The following TASP1 variants were observed in gnomAD, a reference collection of about 807,000 sequenced individuals.
TASP1 encodes the protein taspase 1, also known as threonine aspartase 1.
TASP1 carries 16 observed loss-of-function variants against 56.6 expected under a neutral mutation model. The ratio of observed to expected loss-of-function variants is 0.28; its 90% CI spans 0.19 to 0.43. The LOEUF (loss-of-function observed/expected upper bound fraction) is 0.43, where lower values mean the gene tolerates loss of function less well. TASP1 is among the 20% of genes least tolerant of loss of function. The pLI, the probability that TASP1 is intolerant of heterozygous loss-of-function variation, is 1.00. For missense variants in TASP1, 393 were observed against 511.6 expected (o/e 0.77, Z 2.24); for synonymous variants, 179 against 184.2 (o/e 0.97, Z 0.23).
chr20:13,597,543 G>C, intron 4 of TASP1, among the ~76,000 whole-genome samples: 1 of 152,112 alleles, frequency 6.6e-6, no homozygotes, highest in East Asian at 1.9e-4. Flanking sequence ...AAAATAATAA[G>C]AGTTATCTAT....
Position 13,393,583 on chromosome 20 carries a change from A to G in TASP1, c.1171-3131T>C, listed in dbSNP as rs2041378113. ...GGGGCTGGCAATGCCCTCAACAACC[A>G]CCTTGTCAAGCTCATTTCCTGGTGT... On this transcript the variant is annotated intron_variant, in intron 13 of 13. Transcript: ENST00000337743. 1.2e-5 allele frequency: 11 copies of G among 938,282 alleles called. No homozygotes were observed. In the Admixed American group the frequency reaches 1.9e-4, roughly 16 times the overall value. 58.1% of individuals were successfully genotyped at this position (938,282 alleles called of 1,614,324 possible). A position where few individuals can be genotyped will look rare whatever the true frequency, so the allele number is the denominator to read the frequency against.
At chr20:13,146,247 A>G in the TASP1 span, among the ~76,000 whole-genome samples, 5 of 152,150 alleles carry the variant, frequency 3.3e-5, no homozygotes, top group Non-Finnish European at 7.3e-5. Flanking sequence ...AACACAAAGA[A>G]GGAAACAACA....
intron 4 of TASP1, among the ~76,000 whole-genome samples, chr20:13,621,033 A>G (rs1270233165): frequency 6.6e-6 from 1 of 152,214 alleles, no homozygotes; most frequent in African/African-American, 2.4e-5. Flanking sequence ...AATTAGTGTA[A>G]GCTTAACCTT....
At chr20:13,520,040 A>G (rs2044681570) in intron 10 of TASP1, among the ~76,000 whole-genome samples, 1 of 152,224 alleles carries the variant, frequency 6.6e-6, no homozygotes, top group Non-Finnish European at 1.5e-5. Context: ...AAAGAGAATA[A>G]AATAGCTAGG....
At chr20:13,437,830 C>A (rs1217661148) in intron 11 of TASP1, among the ~76,000 whole-genome samples, 2 of 152,166 alleles carry the variant, frequency 1.3e-5, no homozygotes, top group Non-Finnish European at 2.9e-5. Context: ...TCAAGGAGAA[C>A]TACAAACCAC....
intron 4 of TASP1, among the ~76,000 whole-genome samples, chr20:13,597,487 C>T (rs921964610): frequency 2.1e-4 from 32 of 152,144 alleles, no homozygotes; most frequent in Non-Finnish European, 4.4e-4. Context: ...CAACAGCCTT[C>T]ATGCTAAAAA....
intron 11 of TASP1, among the ~76,000 whole-genome samples, chr20:13,439,160 A>G (rs189577079): frequency 1.3e-5 from 2 of 152,348 alleles, no homozygotes; most frequent in Non-Finnish European, 2.9e-5. Flanking sequence ...TACTGGGTAT[A>G]CACCCAAAGG....
At chr20:13,365,767 G>C in the TASP1 span, among the ~76,000 whole-genome samples, 1 of 152,206 alleles carries the variant, frequency 6.6e-6, no homozygotes, top group Non-Finnish European at 1.5e-5. Flanking sequence ...CGACTGAATG[G>C]AAAACCACTG....
chr20:13,503,280 C>T (rs1048086320), intron 10 of TASP1, among the ~76,000 whole-genome samples: 1 of 152,194 alleles, frequency 6.6e-6, no homozygotes, highest in Non-Finnish European at 1.5e-5. Flanking sequence ...CAGGCCAACT[C>T]CCCAAGCATG....
At chr20:13,590,691 C>A (rs6042231) in intron 4 of TASP1, among the ~76,000 whole-genome samples, 30,779 of 150,912 alleles carry the variant, frequency 0.2, 3,341 homozygotes, top group Admixed American at 0.25. Context: ...CATGGTGAAA[C>A]CCCATCTCTA....
chr20:13,591,577 G>A (rs59771854), intron 4 of TASP1, among the ~76,000 whole-genome samples: 9,398 of 152,158 alleles, frequency 0.062, 378 homozygotes, highest in African/African-American at 0.1. Flanking sequence ...TATAAGTAAT[G>A]TTAAAGGATA....
chr20:13,512,673 G>T lies in TASP1; in HGVS notation c.874+15760C>A, dbSNP rs1304315194. ...TTGGTATATTAGTCATGAAGTCTTT[G>T]CCCATGCCTATGTCCTGAATGGTAT... On this transcript the variant is annotated intron_variant, in intron 10 of 13. Transcript: ENST00000337743. Among the ~76,000 whole-genome samples, 5 of 152,238 alleles carry T rather than the reference G, an allele frequency of 3.3e-5. No homozygotes were observed. The South Asian group carries it at 1.0e-3, about 32-fold the overall frequency.
Position 13,572,537 on chromosome 20 carries a change from T to A in TASP1, c.489-2951A>T, listed in dbSNP as rs1431613866. ...TGTCTTTACCAAAACTATAAAAAAA[T>A]ATGCCGGGTGTGATGGCACGCACCT... On this transcript the variant is annotated intron_variant, in intron 6 of 13. Coordinates refer to ENST00000337743, the MANE Select transcript of TASP1 (RefSeq NM_017714.3). 2.0e-5 allele frequency among the ~76,000 whole-genome samples: 3 copies of A among 151,804 alleles called. No homozygotes were observed. The East Asian group carries it at 5.8e-4, about 29-fold the overall frequency.
the TASP1 span, among the ~76,000 whole-genome samples, chr20:13,308,996 C>T: frequency 2.6e-5 from 4 of 152,140 alleles, no homozygotes; most frequent in African/African-American, 7.2e-5. Context: ...CTTCCAGCCT[C>T]CAGAAATGTG....
the TASP1 span, among the ~76,000 whole-genome samples, chr20:13,178,209 A>T: frequency 6.6e-6 from 1 of 152,304 alleles, no homozygotes; most frequent in South Asian, 2.1e-4. Flanking sequence ...GTGAGGTAAT[A>T]TCTCACCCCA....
chr20:13,140,682 A>G, the TASP1 span, among the ~76,000 whole-genome samples: 1 of 152,180 alleles, frequency 6.6e-6, no homozygotes. Flanking sequence ...TCTATTTTTT[A>G]TTCAGTTATT....
At chr20:13,511,004 A>G in intron 10 of TASP1, among the ~76,000 whole-genome samples, 1 of 152,188 alleles carries the variant, frequency 6.6e-6, no homozygotes, top group East Asian at 1.9e-4. Context: ...ACCCACCCAC[A>G]GTCATGTACA....
chr20:13,550,285 C>A (rs2045939735), intron 8 of TASP1, among the ~76,000 whole-genome samples: 1 of 151,546 alleles, frequency 6.6e-6, no homozygotes, highest in African/African-American at 2.4e-5. Flanking sequence ...TTTAGAAGAT[C>A]CTCATATACT....
chr20:13,333,948 T>C, the TASP1 span, among the ~76,000 whole-genome samples: 164 of 152,302 alleles, frequency 1.1e-3, no homozygotes, highest in African/African-American at 3.9e-3. Flanking sequence ...CCAAGAGAAA[T>C]GGCAATGCTA....
Sources: gnomAD v4.1 joint callset for allele counts (sites outside exome capture counted in the v4.1 genomes callset) on GRCh38, gnomAD v4.1.1 for gene constraint, MANE v1.5 for transcripts, NCBI Gene and HGNC (gene_info 2026-07-23, HGNC 2026-07-21) for gene names.